SELENOS: variants seen among roughly 807,000 people sequenced by gnomAD.
SELENOS encodes the protein selenoprotein S, also known as VCP interacting membrane selenoprotein.
Under a neutral mutation model 30.2 loss-of-function variants are expected in SELENOS, and 37 were observed. The ratio of observed to expected loss-of-function variants is 1.23; its 90% CI spans 0.94 to 1.61. The LOEUF is 1.61. SELENOS is among the 40% of genes most tolerant of loss of function. The pLI, the probability that SELENOS is intolerant of heterozygous loss-of-function variation, is 0.00. For synonymous variants in SELENOS, 119 were observed against 91.6 expected (o/e 1.30, Z -1.71); for missense variants, 289 against 231.8 (o/e 1.25, Z -1.60).
At chr15:101,276,781 T>C (rs894514144) in intron 1 of SELENOS, 106 bp from the exon 2 acceptor site, 4 of 1,377,648 alleles carry the variant, frequency 2.9e-6, no homozygotes, top group Admixed American at 2.5e-5. Flanking sequence ...AAAGCCTTCA[T>C]GGTCTAGGCT....
chr15:101,276,417 T>C, intron 2 of SELENOS, 124 bp downstream of exon 2: 11 of 1,292,664 alleles, frequency 8.5e-6, no homozygotes, highest in Non-Finnish European at 1.0e-5. Flanking sequence ...CCCGGCTATT[T>C]TTTTTTTTTT....
At position 101,277,452 on chromosome 15, in the gene SELENOS, C is replaced by A; in HGVS notation, c.-35G>T. The A allele has an allele frequency of 7.0e-7, 1 of 1,420,870 alleles. No homozygotes were observed. The highest frequency in any genetic ancestry group is 9.1e-7 in the Non-Finnish European group (1 of 1,096,434). The allele number at this position is 1,420,870 out of a possible 1,614,324, so 88.0% of individuals were successfully genotyped here. On this transcript the variant is annotated 5_prime_UTR_variant, in exon 1 of 6. Transcript: ENST00000526049. ...CGCCGCCGCCGCCCAGCCCTGCCGC[C>A]GCGCCTCCAGCCGGGCGCTTCCGGT...
Position 101,277,386 on chromosome 15 carries a change from C to T in SELENOS, c.32G>A (p.Arg11Gln), listed in dbSNP as rs1567120758. 2 of 1,505,376 alleles carry T rather than the reference C, an allele frequency of 1.3e-6. No individual in the cohort carries two copies. Among genetic ancestry groups the T allele is most frequent in the African/African-American group, 1.4e-5 (1 of 69,114 alleles). The allele number at this position is 1,505,376 out of a possible 1,614,324, so 93.3% of individuals were successfully genotyped here. Residue 11 changes from arginine (R) to glutamine (Q), a missense_variant, in exon 1 of 6, where the codon CGG becomes CAG. Coordinates refer to ENST00000526049, the MANE Select transcript of SELENOS (RefSeq NM_018445.6). ...CAGCCCCTCGGTCTCCAGGGCCGGCCGCGCGGACAGAGACTCCTCTTGGCG... is the reference window on the plus strand; with the variant it reads ...CAGCCCCTCGGTCTCCAGGGCCGGCTGCGCGGACAGAGACTCCTCTTGGCG... MERQEESLSA[R>Q]PALETEGLRF...
intron 5 of SELENOS, 66 bp downstream of exon 5, chr15:101,274,354 C>G: frequency 4.0e-6 from 6 of 1,490,782 alleles, no homozygotes; most frequent in Non-Finnish European, 5.5e-6. Context: ...CAATCTTGTT[C>G]CTAAAAGGTA....
At chr15:101,277,140 G>A (rs1401612927) in intron 1 of SELENOS, 6 of 904,806 alleles carry the variant, frequency 6.6e-6, no homozygotes, top group African/African-American at 3.3e-5. Context: ...AGGGACAGCC[G>A]AGCCGCCCAG....
At chr15:101,273,191 T>C (rs1354897277) in intron 5 of SELENOS, among the ~76,000 whole-genome samples, 2 of 151,960 alleles carry the variant, frequency 1.3e-5, no homozygotes, top group South Asian at 2.1e-4. Flanking sequence ...CTAAAACTCA[T>C]ACATTCAAAT....
Position 101,274,410 on chromosome 15 carries a change from T to TGGTGCTTACCTCCTCCCCGC in SELENOS, c.474_484+9dup, listed in dbSNP as rs2039300090. 1 of 1,603,116 alleles carries TGGTGCTTACCTCCTCCCCGC rather than the reference T, an allele frequency of 6.2e-7. No homozygotes were observed. Among genetic ancestry groups the TGGTGCTTACCTCCTCCCCGC allele is most frequent in the South Asian group, 1.1e-5 (1 of 88,808 alleles). On this transcript the variant is annotated intron_variant, in intron 5 of 5. Coordinates refer to ENST00000526049, the MANE Select transcript of SELENOS (RefSeq NM_018445.6). ...AAAATCTGTTAACATTTGACATCAGTGGTGCTTACCTCCTCCCCGCAAAGG... is the reference window on the plus strand; with the variant it reads ...AAAATCTGTTAACATTTGACATCAGTGGTGCTTACCTCCTCCCCGCGGTGCTTACCTCCTCCCCGCAAAGG...
rs1052860114 is a variant in SELENOS, at chr15:101,276,997, G to C, written c.77-322C>G. 9.3e-6 allele frequency: 5 copies of C among 536,684 alleles called. No homozygotes were observed. In the Admixed American group the frequency reaches 1.3e-4, roughly 14 times the overall value. The allele number at this position is 536,684 out of a possible 1,614,324, so 33.2% of individuals were successfully genotyped here. On this transcript the variant is annotated intron_variant, in intron 1 of 5. Coordinates refer to ENST00000526049, the MANE Select transcript of SELENOS (RefSeq NM_018445.6). ...GGCCTTTCAGAGCCACATAGAAAGG[G>C]GTGACAGCGCGGGGAGTCAGGAGTG...
In SELENOS at chr15:101,274,585, C is replaced by T. The variant is rs2039302885; in HGVS notation, c.408+7G>A. 1 of 1,613,300 alleles carries T rather than the reference C, an allele frequency of 6.2e-7. No individual in the cohort carries two copies. Among genetic ancestry groups the T allele is most frequent in the Admixed American group, 1.7e-5 (1 of 59,892 alleles). ...CCGCATGCCAGCCGGCCGAGGTCTC[C>T]AGTCACCTGGGGCTTCTTTGCATTT... On this transcript the variant is annotated splice_region_variant and intron_variant, in intron 4 of 5. Coordinates refer to ENST00000526049, the MANE Select transcript of SELENOS (RefSeq NM_018445.6).
At position 101,275,144 on chromosome 15, in the gene SELENOS, T is replaced by C. The variant is rs1596465690; in HGVS notation, c.318+111A>G. ...GAACTGAAATGCTTATTGAATCTAA[T>C]GGGATAGGACCTGGTCCTAGAAGCT... On this transcript the variant is annotated intron_variant, in intron 3 of 5. Coordinates refer to ENST00000526049, the MANE Select transcript of SELENOS (RefSeq NM_018445.6). The C allele has an allele frequency of 5.9e-6, 5 of 851,212 alleles. No individual in the cohort carries two copies. In the East Asian group the frequency reaches 1.1e-4, roughly 19 times the overall value. 52.7% of individuals were successfully genotyped at this position (851,212 alleles called of 1,614,324 possible). A position where few individuals can be genotyped will look rare whatever the true frequency, so the allele number is the denominator to read the frequency against.
chr15:101,277,258 C>A, intron 1 of SELENOS, 84 bp downstream of exon 1: 1 of 1,519,516 alleles, frequency 6.6e-7, no homozygotes, highest in East Asian at 2.5e-5. Context: ...CTCCGGCGCC[C>A]GGTGCAGCGG....
Position 101,272,986 on chromosome 15 carries a change from T to TA in SELENOS, c.485-131dup, listed in dbSNP as rs1567118433. 6 of 721,634 alleles carry TA rather than the reference T, an allele frequency of 8.3e-6. No homozygotes were observed. In the Admixed American group the frequency reaches 1.3e-4, roughly 16 times the overall value. The allele number at this position is 721,634 out of a possible 1,614,324, so 44.7% of individuals were successfully genotyped here. ...AAAGATACAGATCCTAAGGGACATT[T>TA]AAAAAAACCTTTTAGCTATGTGAAA... On this transcript the variant is annotated intron_variant, in intron 5 of 5. Transcript: ENST00000526049.
At chr15:101,274,530 T>C in intron 4 of SELENOS, 35 bp from the exon 5 acceptor site, 6 of 1,607,312 alleles carry the variant, frequency 3.7e-6, no homozygotes, top group Non-Finnish European at 5.1e-6. Flanking sequence ...AAGAAGCAAT[T>C]AAAACATTCT....
intron 2 of SELENOS, 153 bp downstream of exon 2, chr15:101,276,388 A>T (rs967549349): frequency 3.7e-4 from 383 of 1,038,474 alleles, no homozygotes; most frequent in Non-Finnish European, 2.8e-4. Context: ...AGCTGGGACT[A>T]CAGGTGCGTG....
Position 101,276,223 on chromosome 15 carries a change from G to A in SELENOS, c.211+318C>T, listed in dbSNP as rs1185980922. Among the ~76,000 whole-genome samples, 4 of 147,974 alleles carry A rather than the reference G, an allele frequency of 2.7e-5. No homozygotes were observed. The South Asian group carries it at 6.4e-4, about 24-fold the overall frequency. The stretch of plus-strand genomic sequence containing the variant: ...CAGGTGTGAGCCACCGCGCCCCACC[G>A]AGAACCATATACTTCCTACTTTTTT... On this transcript the variant is annotated intron_variant, in intron 2 of 5. Transcript: ENST00000526049.
chr15:101,277,441 A>AGCCCT lies in SELENOS; in HGVS notation c.-29_-25dup, dbSNP rs1350384186. 3 of 1,432,762 alleles carry AGCCCT rather than the reference A, an allele frequency of 2.1e-6. No individual in the cohort carries two copies. The highest frequency in any genetic ancestry group is 4.2e-4 in the Middle Eastern group (2 of 4,740). 88.8% of individuals were successfully genotyped at this position (1,432,762 alleles called of 1,614,324 possible). A position where few individuals can be genotyped will look rare whatever the true frequency, so the allele number is the denominator to read the frequency against. ...ATGACCGCCGCCGCCGCCGCCGCCC[A>AGCCCT]GCCCTGCCGCCGCGCCTCCAGCCGG... On this transcript the variant is annotated 5_prime_UTR_variant, in exon 1 of 6. Transcript: ENST00000526049.
rs756703782 is a variant in SELENOS, at chr15:101,272,792, C to T, written c.549G>A (p.Pro183=). ...ACSWRPGRRG[P]SSGGUG is the part of the protein sequence containing the mutation. Reference sequence around the variant, plus strand: ...ATTCTTAGCCTCATCCGCCAGATGACGGGCCTCTGCGTCCAGGTCTCCAGG... The same window carrying T: ...ATTCTTAGCCTCATCCGCCAGATGATGGGCCTCTGCGTCCAGGTCTCCAGG... Residue 183 remains proline (P), a synonymous_variant, in exon 6 of 6, where the codon CCG becomes CCA. Transcript: ENST00000526049. 87 of 1,609,550 alleles carry T rather than the reference C, an allele frequency of 5.4e-5. No individual in the cohort carries two copies. The highest frequency in any genetic ancestry group is 1.3e-4 in the East Asian group (6 of 44,778).
intron 2 of SELENOS, among the ~76,000 whole-genome samples, chr15:101,276,247 T>C (rs1024159715): frequency 6.7e-6 from 1 of 149,450 alleles, no homozygotes; most frequent in African/African-American, 2.5e-5. Context: ...TCCTACTTTT[T>C]TTTTTTTTTT....
intron 1 of SELENOS, 81 bp from the exon 2 acceptor site, chr15:101,276,756 G>GT (rs1217396514): frequency 1.3e-5 from 20 of 1,512,780 alleles, no homozygotes; most frequent in Non-Finnish European, 1.7e-5. Context: ...AACACAAAGT[G>GT]TAACTCCTGC....
Sources: gnomAD v4.1 joint callset for allele counts (sites outside exome capture counted in the v4.1 genomes callset) on GRCh38, gnomAD v4.1.1 for gene constraint, MANE v1.5 for transcripts, NCBI Gene and HGNC (gene_info 2026-07-23, HGNC 2026-07-21) for gene names.